Variants in PIP4K2A observed in about 807,000 individuals in gnomAD.
PIP4K2A encodes phosphatidylinositol-5-phosphate 4-kinase type 2 alpha.
PIP4K2A carries 14 observed loss-of-function variants against 42.9 expected under a neutral mutation model. That is an observed-to-expected ratio of 0.33 (90% CI 0.22 to 0.51). The LOEUF (loss-of-function observed/expected upper bound fraction) is 0.51, where lower values mean the gene tolerates loss of function less well. PIP4K2A is among the 20% of genes least tolerant of loss of function. PIP4K2A has a pLI of 0.97. For missense variants in PIP4K2A, 434 were observed against 519.8 expected (o/e 0.83, Z 1.61); for synonymous variants, 192 against 192.2 (o/e 1.00, Z 0.01).
chr10:22,668,864 A>C (rs1300708122), intron 1 of PIP4K2A, among the ~76,000 whole-genome samples: 1 of 152,228 alleles, frequency 6.6e-6, no homozygotes, highest in African/African-American at 2.4e-5. Context: ...TGTTTTTGTA[A>C]AGAAAAAATA....
chr10:22,575,930 G>A (rs1035276685), intron 4 of PIP4K2A, among the ~76,000 whole-genome samples: 5 of 149,848 alleles, frequency 3.3e-5, no homozygotes, highest in Non-Finnish European at 4.4e-5. Context: ...AGAGCAAGAC[G>A]CCATCTCAAA....
intron 4 of PIP4K2A, among the ~76,000 whole-genome samples, chr10:22,583,408 G>A (rs921663752): frequency 6.6e-6 from 1 of 152,192 alleles, no homozygotes; most frequent in African/African-American, 2.4e-5. Flanking sequence ...GGCTGGGGGG[G>A]AGCTGATCAT....
At chr10:22,551,806 C>A (rs2130761650) in intron 6 of PIP4K2A, among the ~76,000 whole-genome samples, 1 of 152,284 alleles carries the variant, frequency 6.6e-6, no homozygotes, top group Non-Finnish European at 1.5e-5. Flanking sequence ...TGCTGTCCTT[C>A]CTGGCTCCGG....
intron 3 of PIP4K2A, among the ~76,000 whole-genome samples, chr10:22,595,040 T>C (rs1837602056): frequency 6.6e-6 from 1 of 152,174 alleles, no homozygotes; most frequent in Non-Finnish European, 1.5e-5. Context: ...ACCTTTCATA[T>C]CACTATGAAT....
At chr10:22,663,842 C>G (rs1839255352) in intron 1 of PIP4K2A, among the ~76,000 whole-genome samples, 1 of 151,352 alleles carries the variant, frequency 6.6e-6, no homozygotes, top group South Asian at 2.1e-4. Context: ...TTTAATCTCA[C>G]TGTTGTGCAT....
intron 1 of PIP4K2A, among the ~76,000 whole-genome samples, chr10:22,610,705 G>A (rs1838013456): frequency 6.6e-6 from 1 of 152,154 alleles, no homozygotes. Context: ...AGCCTGAAAG[G>A]AGGGACTCCG....
intron 2 of PIP4K2A, among the ~76,000 whole-genome samples, 187 bp from the exon 3 acceptor site, chr10:22,608,210 G>A (rs1310956882): frequency 6.6e-6 from 1 of 152,238 alleles, no homozygotes; most frequent in African/African-American, 2.4e-5. Flanking sequence ...CCAGACGGAT[G>A]TCTGTCTGTC....
chr10:22,639,371 A>AG (rs1200481336), intron 1 of PIP4K2A, among the ~76,000 whole-genome samples: 4 of 151,902 alleles, frequency 2.6e-5, no homozygotes, highest in Non-Finnish European at 5.9e-5. Flanking sequence ...AAAAAAAAAA[A>AG]AAGAATTAAC....
chr10:22,711,668 G>A (rs1400604807), intron 1 of PIP4K2A, among the ~76,000 whole-genome samples: 1 of 152,214 alleles, frequency 6.6e-6, no homozygotes, highest in Non-Finnish European at 1.5e-5. Flanking sequence ...CACAGTATGT[G>A]GAAGATGCTC....
chr10:22,543,735 G>A (rs1836188012), intron 7 of PIP4K2A, among the ~76,000 whole-genome samples: 1 of 152,362 alleles, frequency 6.6e-6, no homozygotes, highest in Admixed American at 6.5e-5. Context: ...TGTGGGGGCG[G>A]CTGCGGGGAG....
intron 1 of PIP4K2A, among the ~76,000 whole-genome samples, chr10:22,662,731 A>G (rs980569049): frequency 2.6e-5 from 4 of 152,168 alleles, no homozygotes; most frequent in Non-Finnish European, 5.9e-5. Context: ...TTAGCACAGT[A>G]TATCTAGAGA....
At chr10:22,709,756 T>C (rs1017733833) in intron 1 of PIP4K2A, among the ~76,000 whole-genome samples, 2 of 152,150 alleles carry the variant, frequency 1.3e-5, no homozygotes, top group Non-Finnish European at 2.9e-5. Context: ...ATGTATTCTG[T>C]TCTCTGGTTA....
At chr10:22,664,152 C>CATATATATACAT (rs1350615985) in intron 1 of PIP4K2A, among the ~76,000 whole-genome samples, 19 of 20,868 alleles carry the variant, frequency 9.1e-4, no homozygotes, top group Admixed American at 1.7e-3. Flanking sequence ...CATATATATA[C>CATATATATACAT]ACATATATAT....
At chr10:22,546,022 G>A (rs1836251491) in intron 7 of PIP4K2A, among the ~76,000 whole-genome samples, 1 of 152,130 alleles carries the variant, frequency 6.6e-6, no homozygotes, top group African/African-American at 2.4e-5. Flanking sequence ...GTAGAAATGG[G>A]AAAAACCAAA....
chr10:22,544,665 G>A (rs1406700267), intron 7 of PIP4K2A, among the ~76,000 whole-genome samples: 2 of 152,210 alleles, frequency 1.3e-5, no homozygotes, highest in Non-Finnish European at 2.9e-5. Context: ...TCTGCAAAGG[G>A]CAGAAGTTTT....
chr10:22,646,967 AC>A (rs1380364448), intron 1 of PIP4K2A, among the ~76,000 whole-genome samples: 1 of 152,100 alleles, frequency 6.6e-6, no homozygotes, highest in Non-Finnish European at 1.5e-5. Context: ...ACAAAAAAAA[AC>A]AAACCAGGAT....
At chr10:22,659,364 G>A (rs1468088029) in intron 1 of PIP4K2A, among the ~76,000 whole-genome samples, 3 of 152,334 alleles carry the variant, frequency 2.0e-5, no homozygotes, top group Non-Finnish European at 2.9e-5. Flanking sequence ...GGAGGCCAAG[G>A]TGGGCGGATC....
chr10:22,539,647 T>C, intron 9 of PIP4K2A: 1 of 265,176 alleles, frequency 3.8e-6, no homozygotes, highest in Non-Finnish European at 7.2e-6. Context: ...TGCCTGTTAG[T>C]GTCCGCCATG....
chr10:22,567,995 C>T (rs1836890357), intron 5 of PIP4K2A, 106 bp from the exon 6 acceptor site: 3 of 1,002,490 alleles, frequency 3.0e-6, no homozygotes, highest in African/African-American at 1.6e-5. Context: ...AGCTCAGCAC[C>T]CACTCTGCTT....
Sources: gnomAD v4.1 joint callset for allele counts (sites outside exome capture counted in the v4.1 genomes callset) on GRCh38, gnomAD v4.1.1 for gene constraint, MANE v1.5 for transcripts, NCBI Gene and HGNC (gene_info 2026-07-23, HGNC 2026-07-21) for gene names.